Variants in FSTL4 observed in about 807,000 individuals in gnomAD.
FSTL4 encodes follistatin like 4.
In FSTL4, 28 loss-of-function variants were observed where a neutral mutation model predicts 78.2. The observed-to-expected ratio is 0.36, with a 90% confidence interval of 0.27 to 0.49. The LOEUF (loss-of-function observed/expected upper bound fraction) is 0.49. Ranked by LOEUF, FSTL4 falls within the 20% of genes least tolerant of loss-of-function variation. The pLI, the probability that FSTL4 is intolerant of heterozygous loss-of-function variation, is 0.98. For synonymous variants in FSTL4, 422 were observed against 440.5 expected (o/e 0.96, Z 0.53); for missense variants, 922 against 1,084.9 (o/e 0.85, Z 2.11).
intron 3 of FSTL4, among the ~76,000 whole-genome samples, chr5:133,424,892 T>A (rs1228326974): frequency 6.6e-6 from 1 of 152,226 alleles, no homozygotes; most frequent in East Asian, 1.9e-4. Flanking sequence ...TTAGCATGGT[T>A]CCTGGTGCAC....
the FSTL4 span, among the ~76,000 whole-genome samples, chr5:133,670,672 T>C: frequency 7.9e-5 from 12 of 152,330 alleles, no homozygotes; most frequent in Non-Finnish European, 1.5e-4. Context: ...ACAGATTACT[T>C]TGCTCTCTCA....
At chr5:133,355,634 C>T (rs868637344) in intron 4 of FSTL4, among the ~76,000 whole-genome samples, 3 of 151,972 alleles carry the variant, frequency 2.0e-5, no homozygotes, top group East Asian at 1.9e-4. Context: ...CCAGCCTGGG[C>T]GACAGAGTGA....
the FSTL4 span, among the ~76,000 whole-genome samples, chr5:133,724,051 C>A: frequency 3.3e-5 from 5 of 152,218 alleles, no homozygotes; most frequent in Admixed American, 1.3e-4. Flanking sequence ...TGCCCTAGAG[C>A]AGGACACACC....
the FSTL4 span, among the ~76,000 whole-genome samples, chr5:133,804,818 C>T: frequency 6.6e-6 from 1 of 151,974 alleles, no homozygotes; most frequent in Admixed American, 6.5e-5. Flanking sequence ...GTGGCGGGCG[C>T]CTGTAGTCCC....
intron 3 of FSTL4, among the ~76,000 whole-genome samples, chr5:133,455,970 C>G (rs76073560): frequency 2.2e-4 from 34 of 152,312 alleles, no homozygotes; most frequent in Non-Finnish European, 3.8e-4. Flanking sequence ...TGACAGTCGC[C>G]GAATACTTCT....
intron 7 of FSTL4, among the ~76,000 whole-genome samples, chr5:133,245,996 GA>G (rs1372465329): frequency 2.0e-5 from 3 of 152,162 alleles, no homozygotes; most frequent in African/African-American, 7.2e-5. Flanking sequence ...TGTTGCTCAC[GA>G]AAGCTTCTCA....
At chr5:133,292,701 G>A (rs945120708) in intron 6 of FSTL4, among the ~76,000 whole-genome samples, 3 of 148,722 alleles carry the variant, frequency 2.0e-5, no homozygotes, top group South Asian at 2.1e-4. Flanking sequence ...GCCCCCACAA[G>A]TTATGATTTA....
chr5:133,284,579 GAC>G (rs1394675512), intron 6 of FSTL4, among the ~76,000 whole-genome samples: 1 of 151,538 alleles, frequency 6.6e-6, no homozygotes, highest in Non-Finnish European at 1.5e-5. Context: ...AACCTGTGCA[GAC>G]ACAGCCCCTG....
chr5:133,694,743 G>A, the FSTL4 span, among the ~76,000 whole-genome samples: 37 of 152,320 alleles, frequency 2.4e-4, no homozygotes, highest in South Asian at 5.2e-3. Flanking sequence ...TCATGGTTCC[G>A]GAGGCTGCAA....
chr5:133,719,460 G>A, the FSTL4 span, among the ~76,000 whole-genome samples: 261 of 151,956 alleles, frequency 1.7e-3, no homozygotes, highest in Non-Finnish European at 2.8e-3. Flanking sequence ...ACCTGAGGTC[G>A]GGAGTTCGAA....
chr5:133,404,161 C>A (rs1039941010), intron 3 of FSTL4, among the ~76,000 whole-genome samples: 1 of 152,224 alleles, frequency 6.6e-6, no homozygotes, highest in Non-Finnish European at 1.5e-5. Context: ...ACAATGGCCC[C>A]ACAGAGGGCT....
chr5:133,430,303 G>A (rs780647127), intron 3 of FSTL4, among the ~76,000 whole-genome samples: 2 of 152,210 alleles, frequency 1.3e-5, no homozygotes, highest in Non-Finnish European at 2.9e-5. Flanking sequence ...TCCAGTTTGA[G>A]TGGCCCTGTG....
At chr5:133,205,359 T>C (rs1750463574) in intron 14 of FSTL4, among the ~76,000 whole-genome samples, 1 of 150,578 alleles carries the variant, frequency 6.6e-6, no homozygotes, top group South Asian at 2.1e-4. Flanking sequence ...TTTAGACACA[T>C]TCCTGGATTC....
chr5:133,752,208 A>C, the FSTL4 span, among the ~76,000 whole-genome samples: 1 of 152,244 alleles, frequency 6.6e-6, no homozygotes, highest in African/African-American at 2.4e-5. Context: ...CATTTTGGGT[A>C]GAATCTTAAA....
At chr5:133,469,786 A>T (rs558082143) in intron 3 of FSTL4, among the ~76,000 whole-genome samples, 3 of 152,266 alleles carry the variant, frequency 2.0e-5, no homozygotes, top group African/African-American at 4.8e-5. Flanking sequence ...CACAGGACAG[A>T]GGACACCTCA....
intron 6 of FSTL4, among the ~76,000 whole-genome samples, chr5:133,263,912 T>C (rs562014851): frequency 1.3e-5 from 2 of 152,192 alleles, no homozygotes; most frequent in Admixed American, 1.3e-4. Flanking sequence ...TTGTGCATTG[T>C]GACAGAAGGT....
chr5:133,396,451 T>C (rs1756050064), intron 4 of FSTL4, among the ~76,000 whole-genome samples: 1 of 150,348 alleles, frequency 6.7e-6, no homozygotes, highest in East Asian at 1.9e-4. Context: ...CCCCAGCACC[T>C]CTTGCTATAG....
At chr5:133,724,877 G>C in the FSTL4 span, among the ~76,000 whole-genome samples, 1 of 152,066 alleles carries the variant, frequency 6.6e-6, no homozygotes, top group African/African-American at 2.4e-5. Flanking sequence ...AATCCATTTC[G>C]AGTTGACTTT....
At chr5:133,424,005 G>A (rs1001019660) in intron 3 of FSTL4, among the ~76,000 whole-genome samples, 9 of 152,322 alleles carry the variant, frequency 5.9e-5, no homozygotes, top group African/African-American at 2.2e-4. Context: ...GTCGCTGTGT[G>A]CACGAGGGCA....
Sources: allele counts gnomAD v4.1 joint callset (sites outside exome capture counted in the v4.1 genomes callset), GRCh38; gene constraint gnomAD v4.1.1; transcripts MANE v1.5; gene names NCBI Gene and HGNC (gene_info 2026-07-23, HGNC 2026-07-21).